The following RESP18 variants were observed in gnomAD, a reference collection of about 807,000 sequenced individuals.
RESP18 encodes the protein regulated endocrine specific protein 18.
A neutral mutation model predicts 30.0 loss-of-function variants in RESP18; 30 were observed. That is an observed-to-expected ratio of 1.00 (90% CI 0.75 to 1.36). The LOEUF is 1.36. Among genes scored for constraint, RESP18 ranks in the 40% most tolerant of loss-of-function variants. The pLI is 0.00. For missense variants in RESP18, 320 were observed against 284.2 expected (o/e 1.13, Z -0.91); for synonymous variants, 117 against 111.2 (o/e 1.05, Z -0.33).
chr2:219,332,669 A>G lies in RESP18; in HGVS notation c.87T>C (p.Thr29=). Residue 29 remains threonine (T), a synonymous_variant, in exon 2 of 7, where the codon ACT becomes ACC. Transcript: ENST00000333527. ...CGCGCTCACTCCCCGGCCAAGTCTC[A>G]GTGAAGGTAGCGGCCACGGCCGAGG... is the stretch of plus-strand genomic sequence containing the variant. The G allele has an allele frequency of 6.4e-7, 1 of 1,550,964 alleles. No individual in the cohort carries two copies. Among genetic ancestry groups the G allele is most frequent in the Non-Finnish European group, 8.7e-7 (1 of 1,146,808 alleles).
rs376339924 is a variant in RESP18, at chr2:219,327,454, ACTG to A, written c.*60_*62del. On this transcript the variant is annotated 3_prime_UTR_variant, in exon 7 of 7. Transcript: ENST00000333527. Reference sequence around the variant, plus strand: ...TGATTCAAATCTGGGTCATCCAAGAACTGCTCCTCTGAAGGGCAATGGGAAGGG... The same window carrying A: ...TGATTCAAATCTGGGTCATCCAAGAACTCCTCTGAAGGGCAATGGGAAGGG... 21 of 1,411,210 alleles carry A rather than the reference ACTG, an allele frequency of 1.5e-5. No individual in the cohort carries two copies. In the African/African-American group the frequency reaches 3.0e-4, roughly 20 times the overall value. 87.4% of individuals were successfully genotyped at this position (1,411,210 alleles called of 1,614,324 possible). A position where few individuals can be genotyped will look rare whatever the true frequency, so the allele number is the denominator to read the frequency against.
intron 1 of RESP18, chr2:219,333,023 A>T: frequency 1.2e-6 from 1 of 832,628 alleles, no homozygotes; most frequent in Non-Finnish European, 1.7e-6. Context: ...CAAGGAATTT[A>T]GTTTATTTTA....
chr2:219,329,116 C>G, intron 5 of RESP18, 47 bp downstream of exon 4: 4 of 1,514,846 alleles, frequency 2.6e-6, no homozygotes, highest in Middle Eastern at 1.7e-4. Flanking sequence ...TATCTGCCTC[C>G]CTCATTTAAA....
intron 1 of RESP18, 38 bp from the exon 1 acceptor site, chr2:219,332,782 C>A (rs1290174993): frequency 8.2e-6 from 12 of 1,456,376 alleles, no homozygotes; most frequent in Non-Finnish European, 1.0e-5. Context: ...TGAGCGGGCC[C>A]TGCCCCTGCG....
rs951917172 is a variant in RESP18, at chr2:219,329,237, C to G, written c.481G>C (p.Val161Leu). The change falls in exon 5 of 7, where the codon GTG (valine) becomes CTG (leucine). Residue 161 changes from valine to leucine, a missense_variant. By Grantham distance (32) the Val-to-Leu change is conservative. Coordinates refer to ENST00000333527, the MANE Select transcript of RESP18 (RefSeq NM_001007089.4). ...GAGGTAAAGCACTGATCCCTGTTCA[C>G]CTTGGCCAGGGGGCTCTGTGAGGAG... The G allele has an allele frequency of 8.4e-6, 13 of 1,551,552 alleles. No individual in the cohort carries two copies. The highest frequency in any genetic ancestry group is 1.0e-5 in the Non-Finnish European group (12 of 1,146,980).
At position 219,329,781 on chromosome 2, in the gene RESP18, TGGG is replaced by T; in HGVS notation, c.338-20_338-18del. On this transcript the variant is annotated intron_variant, in intron 3 of 6. Transcript: ENST00000333527. ...AGAACAGACCTGCAGGATGAAAGGA[TGGG>T]GGGTGAGTTGACACCTGAGACACTC... 1 of 1,548,330 alleles carries T rather than the reference TGGG, an allele frequency of 6.5e-7. No individual in the cohort carries two copies. The highest frequency in any genetic ancestry group is 8.7e-7 in the Non-Finnish European group (1 of 1,144,458).
In RESP18 at chr2:219,327,614, TCCTC is replaced by T. The variant is rs1171026640; in HGVS notation, c.641-55_641-52del. Reference sequence around the variant, plus strand: ...TAGAGTCAGGATGTGAGACAGTGGCTCCTCCCTCATCTGCCCTCCTTCCACAAAT... The same window carrying T: ...TAGAGTCAGGATGTGAGACAGTGGCTCCTCATCTGCCCTCCTTCCACAAAT... On this transcript the variant is annotated intron_variant, in intron 6 of 6. Coordinates refer to ENST00000333527, the MANE Select transcript of RESP18 (RefSeq NM_001007089.4). The T allele has an allele frequency of 2.8e-6, 4 of 1,431,038 alleles. No individual in the cohort carries two copies. The African/African-American group carries it at 5.7e-5, about 20-fold the overall frequency. The allele number at this position is 1,431,038 out of a possible 1,614,324, so 88.6% of individuals were successfully genotyped here.
chr2:219,327,664 T>G (rs553312245), intron 6 of RESP18, 101 bp from the exon 6 acceptor site: 5 of 999,376 alleles, frequency 5.0e-6, no homozygotes, highest in Non-Finnish European at 7.7e-6. Flanking sequence ...CAGCCTGATT[T>G]GAGTAACCCT....
chr2:219,330,911 G>T, intron 2 of RESP18, 36 bp from the exon 2 acceptor site: 1 of 1,264,670 alleles, frequency 7.9e-7, no homozygotes, highest in Non-Finnish European at 1.1e-6. Context: ...AAGGAACCTG[G>T]CCAGAGCCTT....
chr2:219,329,004 G>A lies in RESP18; in HGVS notation c.560C>T (p.Thr187Ile). ...CAGCCCCCCATATGAACACCTATAG[G>A]TAATCTGAGAGATACAGGAAATTAG... is the stretch of plus-strand genomic sequence containing the variant. The change falls in exon 6 of 7, where the codon ACC (threonine) becomes ATC (isoleucine). Residue 187 changes from threonine to isoleucine, a missense_variant. Physicochemically the swap from Thr to Ile is moderately conservative, Grantham distance 89. Coordinates refer to ENST00000333527, the MANE Select transcript of RESP18 (RefSeq NM_001007089.4). 6.5e-7 allele frequency: 1 copy of A among 1,549,674 alleles called. No homozygotes were observed. The highest frequency in any genetic ancestry group is 8.7e-7 in the Non-Finnish European group (1 of 1,145,014).
intron 4 of RESP18, 119 bp downstream of exon 3, chr2:219,329,518 A>G: frequency 1.3e-6 from 2 of 1,501,934 alleles, no homozygotes; most frequent in Middle Eastern, 3.5e-4. Flanking sequence ...TCCAAACAGG[A>G]CCTCTGAATT....
intron 1 of RESP18, 71 bp from the exon 1 acceptor site, chr2:219,332,815 C>T: frequency 8.7e-7 from 1 of 1,149,750 alleles, no homozygotes; most frequent in South Asian, 1.6e-5. Context: ...GCTCCTTCCC[C>T]TACCGCCTCC....
chr2:219,332,181 C>A (rs1403979011), intron 2 of RESP18, among the ~76,000 whole-genome samples: 1 of 152,190 alleles, frequency 6.6e-6, no homozygotes, highest in Non-Finnish European at 1.5e-5. Flanking sequence ...GGAGCCAAGA[C>A]CCCGATACCC....
chr2:219,330,616 C>G (rs567693404), intron 3 of RESP18, among the ~76,000 whole-genome samples, 155 bp downstream of exon 2: 12 of 151,804 alleles, frequency 7.9e-5, no homozygotes, highest in African/African-American at 2.9e-4. Context: ...AGATCCCACT[C>G]CTACTCCTGT....
intron 2 of RESP18, 165 bp from the exon 2 acceptor site, chr2:219,331,040 C>G (rs1952825677): frequency 3.5e-6 from 2 of 578,340 alleles, no homozygotes; most frequent in Admixed American, 6.1e-5. Context: ...TTCCCTTCCT[C>G]CATCACCACT....
chr2:219,329,798 C>A (rs1952811948), intron 3 of RESP18, 34 bp from the exon 3 acceptor site: 1 of 1,540,782 alleles, frequency 6.5e-7, no homozygotes, highest in African/African-American at 1.4e-5. Flanking sequence ...TGAGTTGACA[C>A]CTGAGACACT....
chr2:219,329,128 A>G, intron 5 of RESP18, 35 bp downstream of exon 4: 1 of 1,532,574 alleles, frequency 6.5e-7, no homozygotes, highest in Non-Finnish European at 8.9e-7. Context: ...TCATTTAAAC[A>G]GGTCCAACCT....
intron 4 of RESP18, 102 bp from the exon 4 acceptor site, chr2:219,329,354 A>G: frequency 6.4e-7 from 1 of 1,551,768 alleles, no homozygotes; most frequent in Non-Finnish European, 8.7e-7. Flanking sequence ...ACAATTCTTG[A>G]GAAGATACGT....
chr2:219,329,802 A>G (rs1366611967), intron 3 of RESP18, 38 bp from the exon 3 acceptor site: 2 of 1,539,410 alleles, frequency 1.3e-6, no homozygotes, highest in Admixed American at 4.0e-5. Flanking sequence ...TTGACACCTG[A>G]GACACTCGGA....
Sources: allele counts gnomAD v4.1 joint callset (sites outside exome capture counted in the v4.1 genomes callset), GRCh38; gene constraint gnomAD v4.1.1; transcripts MANE v1.5; gene names NCBI Gene and HGNC (gene_info 2026-07-23, HGNC 2026-07-21).